The following RFWD3 variants were observed in gnomAD, a reference collection of about 807,000 sequenced individuals.
RFWD3 encodes the protein E3 ubiquitin-protein ligase RFWD3.
In RFWD3, 65 loss-of-function variants were observed where a neutral mutation model predicts 87.7. The ratio of observed to expected loss-of-function variants is 0.74; its 90% CI spans 0.61 to 0.91. The LOEUF (loss-of-function observed/expected upper bound fraction) is 0.91, where lower values mean the gene tolerates loss of function less well. Among genes scored for constraint, RFWD3 ranks in the 40% least tolerant of loss-of-function variants. The probability of loss-of-function intolerance (pLI) is 0.00; values close to 1 mark genes in which losing one functional copy is unlikely to be tolerated. For synonymous variants in RFWD3, 433 were observed against 352.8 expected (o/e 1.23, Z -2.55); for missense variants, 1,078 against 938.5 (o/e 1.15, Z -1.94).
chr16:74,660,815 G>A, intron 2 of RFWD3, 117 bp downstream of exon 2: 1 of 1,096,928 alleles, frequency 9.1e-7, no homozygotes, highest in African/African-American at 1.6e-5. Context: ...GAGGAACTGG[G>A]GGTCAGAAGT....
intron 4 of RFWD3, among the ~76,000 whole-genome samples, chr16:74,648,080 G>A (rs1960295034): frequency 6.6e-6 from 1 of 152,008 alleles, no homozygotes; most frequent in Non-Finnish European, 1.5e-5. Context: ...AAGTAGCTAG[G>A]ACTATAGGCG....
intron 2 of RFWD3, among the ~76,000 whole-genome samples, chr16:74,658,316 G>A (rs1490592942): frequency 6.6e-6 from 1 of 152,208 alleles, no homozygotes; most frequent in Non-Finnish European, 1.5e-5. Flanking sequence ...GACCCCCACT[G>A]CCAGAATGAA....
intron 9 of RFWD3, 76 bp from the exon 10 acceptor site, chr16:74,631,033 T>A: frequency 7.7e-7 from 1 of 1,307,072 alleles, no homozygotes; most frequent in Non-Finnish European, 1.1e-6. Context: ...GATTATCATT[T>A]AAATGATCAT....
At chr16:74,653,411 T>A (rs1464632670) in intron 2 of RFWD3, among the ~76,000 whole-genome samples, 1 of 144,700 alleles carries the variant, frequency 6.9e-6, no homozygotes, top group Non-Finnish European at 1.5e-5. Flanking sequence ...AGCCCGAGAG[T>A]TTGAGGCCAC....
chr16:74,632,329 T>C (rs1470742791), intron 9 of RFWD3, among the ~76,000 whole-genome samples, 194 bp downstream of exon 9: 2 of 151,558 alleles, frequency 1.3e-5, no homozygotes, highest in South Asian at 2.1e-4. Context: ...AAGGTGGAGC[T>C]TGCAGTGAGC....
chr16:74,632,494 G>T, intron 9 of RFWD3, 29 bp downstream of exon 9: 1 of 1,612,184 alleles, frequency 6.2e-7, no homozygotes, highest in Non-Finnish European at 8.5e-7. Context: ...AAAGAGCCCA[G>T]TCTCCACCTA....
At chr16:74,663,195 C>T (rs868422000) in intron 1 of RFWD3, among the ~76,000 whole-genome samples, 4 of 152,104 alleles carry the variant, frequency 2.6e-5, no homozygotes, top group African/African-American at 7.2e-5. Context: ...TGAGCCACCG[C>T]GCCCGGCCAA....
chr16:74,647,339 G>A (rs1960228966), intron 4 of RFWD3, among the ~76,000 whole-genome samples: 1 of 151,986 alleles, frequency 6.6e-6, no homozygotes, highest in South Asian at 2.1e-4. Context: ...CCAGGCTGGA[G>A]TGCAATGGCA....
At chr16:74,657,294 T>C (rs184709948) in intron 2 of RFWD3, among the ~76,000 whole-genome samples, 11 of 152,250 alleles carry the variant, frequency 7.2e-5, no homozygotes, top group African/African-American at 2.2e-4. Context: ...TAGAGCTCAA[T>C]GAGATTCGGC....
Position 74,660,959 on chromosome 16 carries a change from C to T in RFWD3, c.491G>A (p.Gly164Glu). Residue 164 changes from glycine to glutamate, a missense_variant, in exon 2 of 13, where the codon GGA becomes GAA. Transcript: ENST00000361070. ...RVSASRRARA[G>E]GSQRTDSARL... The stretch of plus-strand genomic sequence containing the variant: ...GGCACTGTCTGTCCTCTGAGACCCT[C>T]CGGCTCTTGCCCTCCGTGAAGCAGA... 6.2e-7 allele frequency: 1 copy of T among 1,613,966 alleles called. No homozygotes were observed.
chr16:74,624,396 C>G (rs1272154473), intron 12 of RFWD3, among the ~76,000 whole-genome samples: 1 of 152,130 alleles, frequency 6.6e-6, no homozygotes, highest in Non-Finnish European at 1.5e-5. Flanking sequence ...TCATGGAACT[C>G]ACCCTTTTTT....
chr16:74,661,531 TTC>T, intron 1 of RFWD3, 80 bp from the exon 2 acceptor site: 1 of 1,267,224 alleles, frequency 7.9e-7, no homozygotes, highest in Non-Finnish European at 1.1e-6. Context: ...TATTTAATCT[TTC>T]TGATTTTATG....
At chr16:74,625,149 A>T (rs974807543) in intron 12 of RFWD3, among the ~76,000 whole-genome samples, 1 of 151,674 alleles carries the variant, frequency 6.6e-6, no homozygotes. Context: ...GTAGTAAGCC[A>T]AGATTGCACC....
chr16:74,661,241 A>T lies in RFWD3; in HGVS notation c.209T>A (p.Leu70His). The change falls in exon 2 of 13, where the codon CTC becomes CAC. Residue 70 changes from leucine to histidine, a missense_variant. Coordinates refer to ENST00000361070, the MANE Select transcript of RFWD3 (RefSeq NM_018124.4). Reference protein sequence around the residue: ...VISSQATPPLLQPAPQLSVDL... With the variant: ...VISSQATPPLHQPAPQLSVDL... ...AACAGACAGTTGCGGAGCAGGCTGG[A>T]GCAGGGGTGGTGTCGCTTGGCTGCT... 6.2e-7 allele frequency: 1 copy of T among 1,614,196 alleles called. No individual in the cohort carries two copies. Among genetic ancestry groups the T allele is most frequent in the Non-Finnish European group, 8.5e-7 (1 of 1,180,040 alleles).
At position 74,652,127 on chromosome 16, in the gene RFWD3, G is replaced by T; in HGVS notation, c.519-5C>A. On this transcript the variant is annotated splice_region_variant and splice_polypyrimidine_tract_variant and intron_variant, in intron 2 of 12. Transcript: ENST00000361070. Reference sequence around the variant, plus strand: ...GCATCCAATGGTGCTCTCAACCTATGTACACAGAAAGACAACGGAATTATA... The same window carrying T: ...GCATCCAATGGTGCTCTCAACCTATTTACACAGAAAGACAACGGAATTATA... The T allele has an allele frequency of 6.2e-7, 1 of 1,613,074 alleles. No homozygotes were observed. The highest frequency in any genetic ancestry group is 8.5e-7 in the Non-Finnish European group (1 of 1,179,328).
chr16:74,652,186 A>G, intron 2 of RFWD3, 64 bp from the exon 3 acceptor site: 2 of 1,416,668 alleles, frequency 1.4e-6, no homozygotes, highest in Non-Finnish European at 2.0e-6. Flanking sequence ...AACAATCTAT[A>G]GTGATTTGAA....
Position 74,637,859 on chromosome 16 carries a change from A to G in RFWD3, c.1191T>C (p.Val397=). ...GGATTAGAAAGGACAAACGTACCTG[A>G]ACACGCCTTTGAAGCCTAGTGCACT... The part of the protein sequence containing the change: ...TDKCTRLQRR[V]QDLQKLTSHQ... Residue 397 remains valine (V), a synonymous_variant, in exon 7 of 13, where the codon GTT becomes GTC. Transcript: ENST00000361070. The G allele has an allele frequency of 6.2e-7, 1 of 1,611,024 alleles. No homozygotes were observed.
intron 7 of RFWD3, among the ~76,000 whole-genome samples, 161 bp from the exon 8 acceptor site, chr16:74,636,738 G>C (rs1959205568): frequency 6.6e-6 from 1 of 151,286 alleles, no homozygotes; most frequent in South Asian, 2.1e-4. Context: ...TTTTAAGACG[G>C]AGTCTCACTC....
At chr16:74,639,852 T>C (rs1030918109) in intron 6 of RFWD3, among the ~76,000 whole-genome samples, 4 of 152,180 alleles carry the variant, frequency 2.6e-5, no homozygotes, top group African/African-American at 9.7e-5. Context: ...TCTAGTTTCA[T>C]TTTCCATGGT....
Sources: gnomAD v4.1 joint callset for allele counts (sites outside exome capture counted in the v4.1 genomes callset) on GRCh38, gnomAD v4.1.1 for gene constraint, MANE v1.5 for transcripts, NCBI Gene and HGNC (gene_info 2026-07-23, HGNC 2026-07-21) for gene names.